GPM6A: variants seen among roughly 807,000 people sequenced by gnomAD.
The protein encoded by GPM6A is glycoprotein M6A.
GPM6A carries 7 observed loss-of-function variants against 32.1 expected under a neutral mutation model. That is an observed-to-expected ratio of 0.22 (90% CI 0.12 to 0.41). The LOEUF is 0.41. Among genes scored for constraint, GPM6A ranks in the 10% least tolerant of loss-of-function variants. The pLI, the probability that GPM6A is intolerant of heterozygous loss-of-function variation, is 1.00. For synonymous variants in GPM6A, 130 were observed against 123.4 expected, an observed-to-expected ratio of 1.05 and a Z score of -0.35; for missense variants, 235 against 347.2, an observed-to-expected ratio of 0.68 and a Z score of 2.57.
intron 1 of GPM6A, among the ~76,000 whole-genome samples, chr4:175,853,871 A>G (rs1045052903): frequency 4.6e-5 from 7 of 152,168 alleles, no homozygotes; most frequent in Non-Finnish European, 7.4e-5. Flanking sequence ...CTATTTCACT[A>G]TCAAAGAGTA....
chr4:175,653,227 G>C (rs1741901936), intron 3 of GPM6A, among the ~76,000 whole-genome samples: 1 of 152,084 alleles, frequency 6.6e-6, no homozygotes, highest in Non-Finnish European at 1.5e-5. Flanking sequence ...GATTAACATA[G>C]AGTTTATTGG....
chr4:175,960,223 G>A (rs1182010036), intron 1 of GPM6A, among the ~76,000 whole-genome samples: 3 of 152,080 alleles, frequency 2.0e-5, no homozygotes, highest in South Asian at 2.1e-4. Flanking sequence ...GACATACTTG[G>A]AGTCAATTTT....
At chr4:175,788,173 G>C (rs1415732358) in intron 1 of GPM6A, 3 of 152,192 alleles carry the variant, frequency 2.0e-5, no homozygotes, top group African/African-American at 7.2e-5. Context: ...AGGGGAGAGA[G>C]AGGATGTGTC....
chr4:175,638,558 ATTTGT>A (rs1366407253), intron 6 of GPM6A, among the ~76,000 whole-genome samples: 2 of 152,098 alleles, frequency 1.3e-5, no homozygotes, highest in Admixed American at 6.6e-5. Context: ...AAATCTGTTG[ATTTGT>A]TTTGAGAGTA....
At chr4:175,636,994 TA>T (rs1186416271) in intron 6 of GPM6A, among the ~76,000 whole-genome samples, 62 of 96,548 alleles carry the variant, frequency 6.4e-4, no homozygotes, top group Admixed American at 4.6e-3. Context: ...ATATATAAGA[TA>T]AAAAATATAT....
At chr4:175,812,913 G>A (rs2111334469), upstream of GPM6A, 1 of 985,068 alleles carries the variant, frequency 1.0e-6, no homozygotes, top group South Asian at 4.7e-5. Flanking sequence ...CCATCTCAGG[G>A]TTTATCTGCA....
At chr4:175,690,945 A>AT (rs1258989547) in intron 2 of GPM6A, among the ~76,000 whole-genome samples, 1 of 152,232 alleles carries the variant, frequency 6.6e-6, no homozygotes, top group Non-Finnish European at 1.5e-5. Context: ...CAATGTGGTG[A>AT]TGGACATGTG....
At chr4:175,931,955 G>C (rs766672264) in intron 1 of GPM6A, among the ~76,000 whole-genome samples, 9 of 151,816 alleles carry the variant, frequency 5.9e-5, no homozygotes, top group Non-Finnish European at 8.8e-5. Flanking sequence ...AGCCAGGTAT[G>C]GTGGTGCATG....
At chr4:175,809,440 A>C (rs1037388370) in intron 1 of GPM6A, among the ~76,000 whole-genome samples, 1 of 151,924 alleles carries the variant, frequency 6.6e-6, no homozygotes, top group Non-Finnish European at 1.5e-5. Context: ...AGATGAAGTA[A>C]GTGGCTTTCA....
intron 1 of GPM6A, among the ~76,000 whole-genome samples, chr4:175,938,822 A>G (rs1181048448): frequency 2.0e-5 from 3 of 152,002 alleles, no homozygotes; most frequent in Non-Finnish European, 4.4e-5. Context: ...TACACATTCT[A>G]TGCATGGAAC....
intron 2 of GPM6A, among the ~76,000 whole-genome samples, chr4:175,683,374 G>A (rs2087212073): frequency 6.6e-6 from 1 of 152,146 alleles, no homozygotes; most frequent in African/African-American, 2.4e-5. Context: ...GGTTTGGCTT[G>A]TCTAAGATGA....
intron 1 of GPM6A, among the ~76,000 whole-genome samples, chr4:175,965,347 A>T (rs1276564747): frequency 6.6e-6 from 1 of 152,192 alleles, no homozygotes; most frequent in African/African-American, 2.4e-5. Flanking sequence ...GAAAGATAGA[A>T]AATTCAATCA....
intron 2 of GPM6A, among the ~76,000 whole-genome samples, chr4:175,679,426 G>A (rs1052582403): frequency 1.3e-5 from 2 of 152,020 alleles, no homozygotes; most frequent in Non-Finnish European, 2.9e-5. Context: ...TAGTTAAGAT[G>A]ATGTCTGATT....
upstream of GPM6A, chr4:175,812,901 T>C (rs192823657): frequency 5.1e-6 from 5 of 984,256 alleles, no homozygotes; most frequent in Admixed American, 3.1e-4. Context: ...GATGCAGTTA[T>C]ACCATCTCAG....
In GPM6A at chr4:175,709,605, G is replaced by A. The variant is rs111727292; in HGVS notation, c.38-7838C>T. Among the ~76,000 whole-genome samples, 757 of 151,604 alleles carry A rather than the reference G, an allele frequency of 5.0e-3. 8 individuals carry two copies. The highest frequency in any genetic ancestry group is 0.017 in the African/African-American group (712 of 41,280). On this transcript the variant is annotated intron_variant, in intron 1 of 6. Transcript: ENST00000393658. ...TAGCCGAGCGTGGTGGCGCTCACTT[G>A]TAATCCCAGCTACTCAGGAGGCTGA...
At chr4:175,724,495 A>C (rs1392706366) in intron 1 of GPM6A, among the ~76,000 whole-genome samples, 2 of 152,314 alleles carry the variant, frequency 1.3e-5, no homozygotes, top group African/African-American at 4.8e-5. Context: ...CAGTAAGCCG[A>C]GACTGTGCCA....
chr4:175,868,163 C>G (rs919419096), intron 1 of GPM6A, among the ~76,000 whole-genome samples: 9 of 152,176 alleles, frequency 5.9e-5, no homozygotes, highest in Admixed American at 3.3e-4. Flanking sequence ...TCTGGCAAGA[C>G]TAACTCCCTG....
chr4:175,873,790 C>T, intron 1 of GPM6A, among the ~76,000 whole-genome samples: 1 of 152,028 alleles, frequency 6.6e-6, no homozygotes, highest in Non-Finnish European at 1.5e-5. Flanking sequence ...GAAACAAATC[C>T]AAATATTTGT....
At chr4:175,738,161 C>G (rs947128349) in intron 1 of GPM6A, among the ~76,000 whole-genome samples, 7 of 152,182 alleles carry the variant, frequency 4.6e-5, no homozygotes, top group African/African-American at 1.7e-4. Flanking sequence ...TGGTCTCGAA[C>G]TCCTGCCCTC....
Sources: gnomAD v4.1 joint callset for allele counts (sites outside exome capture counted in the v4.1 genomes callset) on GRCh38, gnomAD v4.1.1 for gene constraint, MANE v1.5 for transcripts, NCBI Gene and HGNC (gene_info 2026-07-23, HGNC 2026-07-21) for gene names.